The following TECRL variants were observed in gnomAD, a reference collection of about 807,000 sequenced individuals.
TECRL encodes the protein trans-2,3-enoyl-CoA reductase like.
TECRL carries 63 observed loss-of-function variants against 52.8 expected under a neutral mutation model. The observed-to-expected ratio is 1.19, with a 90% CI of 0.97 to 1.47. The LOEUF (loss-of-function observed/expected upper bound fraction) is 1.47, where lower values mean the gene tolerates loss of function less well. Ranked by LOEUF, TECRL falls within the 40% of genes most tolerant of loss-of-function variation. The pLI is 0.00. For synonymous variants in TECRL, 164 were observed against 141.9 expected (o/e 1.16, Z -1.10); for missense variants, 482 against 429.6 (o/e 1.12, Z -1.08).
chr4:64,320,370 C>A (rs992213982), intron 4 of TECRL, among the ~76,000 whole-genome samples: 3 of 151,784 alleles, frequency 2.0e-5, no homozygotes, highest in Non-Finnish European at 4.4e-5. Flanking sequence ...TGTGGTAAAA[C>A]ATTACTTTTG....
At chr4:64,286,533 G>GT (rs1723090840) in intron 9 of TECRL, among the ~76,000 whole-genome samples, 2 of 141,344 alleles carry the variant, frequency 1.4e-5, no homozygotes, top group Admixed American at 7.1e-5. Flanking sequence ...TTTTTAGAAC[G>GT]TAAAAAAAAA....
chr4:64,344,402 G>T (rs747148706), intron 2 of TECRL, among the ~76,000 whole-genome samples: 27 of 151,770 alleles, frequency 1.8e-4, no homozygotes, highest in Non-Finnish European at 4.0e-4. Flanking sequence ...GAAATTCCTG[G>T]TGCATTTTTG....
In TECRL at chr4:64,402,775, T is replaced by C. The variant is rs139123925; in HGVS notation, c.234+6343A>G. ...TGGGGTACATAAGAGATGTATAAAG[T>C]TGAAAAATGAAGGGTAAGTCTGTAA... On this transcript the variant is annotated intron_variant, in intron 1 of 11. Transcript: ENST00000381210. Among the ~76,000 whole-genome samples the C allele has an allele frequency of 7.0e-4, 107 of 152,124 alleles. No individual in the cohort carries two copies. In the East Asian group the frequency reaches 0.016, roughly 23 times the overall value.
At chr4:64,292,544 T>C (rs1402169819) in intron 8 of TECRL, among the ~76,000 whole-genome samples, 4 of 152,038 alleles carry the variant, frequency 2.6e-5, no homozygotes, top group African/African-American at 9.6e-5. Flanking sequence ...ATCATTTTCC[T>C]ACATTATTAT....
chr4:64,379,247 TAC>T (rs4034911), intron 1 of TECRL, among the ~76,000 whole-genome samples: 21,546 of 145,156 alleles, frequency 0.15, 1,585 homozygotes, highest in East Asian at 0.24. Context: ...CACACACACA[TAC>T]ACACACACAC....
chr4:64,373,606 T>C (rs1277516616), intron 2 of TECRL, among the ~76,000 whole-genome samples: 1 of 151,742 alleles, frequency 6.6e-6, no homozygotes, highest in African/African-American at 2.4e-5. Context: ...CTTTTACACA[T>C]AAACTCGACT....
chr4:64,309,986 C>T lies in TECRL; in HGVS notation c.552-55G>A, dbSNP rs1476785684. The T allele has an allele frequency of 2.6e-6, 3 of 1,144,482 alleles. No individual in the cohort carries two copies. In the East Asian group the frequency reaches 7.5e-5, roughly 29 times the overall value. The allele number at this position is 1,144,482 out of a possible 1,614,324, so 70.9% of individuals were successfully genotyped here. On this transcript the variant is annotated intron_variant, in intron 5 of 11. Transcript: ENST00000381210. ...AAATCCTTTTGAAGTTCTGGCTTGCCTCATGCATGATACATTTTAATTTTT... is the reference window on the plus strand; with the variant it reads ...AAATCCTTTTGAAGTTCTGGCTTGCTTCATGCATGATACATTTTAATTTTT...
intron 2 of TECRL, among the ~76,000 whole-genome samples, chr4:64,360,167 C>T (rs1304558011): frequency 1.3e-5 from 2 of 152,024 alleles, no homozygotes; most frequent in Admixed American, 6.6e-5. Flanking sequence ...ATGTAGATTC[C>T]TCCCAAAATA....
chr4:64,325,859 G>GA (rs1718227442), intron 3 of TECRL, among the ~76,000 whole-genome samples: 1 of 151,964 alleles, frequency 6.6e-6, no homozygotes, highest in Non-Finnish European at 1.5e-5. Context: ...ATGAGATTTT[G>GA]AAAAAATGAC....
intron 1 of TECRL, among the ~76,000 whole-genome samples, chr4:64,408,567 T>C (rs1290050468): frequency 7.2e-5 from 11 of 152,024 alleles, no homozygotes; most frequent in Non-Finnish European, 1.5e-4. Flanking sequence ...ACTTAAATAG[T>C]GTTTTTGAAG....
chr4:64,404,918 C>A (rs1260142342), intron 1 of TECRL, among the ~76,000 whole-genome samples: 1 of 152,048 alleles, frequency 6.6e-6, no homozygotes, highest in Admixed American at 6.6e-5. Context: ...TCACATGTTT[C>A]TTGAACCGGA....
chr4:64,334,970 C>T (rs1655435597), intron 2 of TECRL, among the ~76,000 whole-genome samples: 1 of 152,210 alleles, frequency 6.6e-6, no homozygotes. Context: ...ATCCGCTGTG[C>T]AAGTCTCCCA....
chr4:64,337,808 C>A (rs141858361), intron 2 of TECRL, among the ~76,000 whole-genome samples: 1 of 152,166 alleles, frequency 6.6e-6, no homozygotes, highest in South Asian at 2.1e-4. Flanking sequence ...GAAGAACATT[C>A]CATGCTCATG....
At chr4:64,401,641 G>A (rs1724367511) in intron 1 of TECRL, among the ~76,000 whole-genome samples, 2 of 152,248 alleles carry the variant, frequency 1.3e-5, no homozygotes, top group South Asian at 2.1e-4. Context: ...TTTAAGGTTA[G>A]CAAATACATT....
intron 8 of TECRL, among the ~76,000 whole-genome samples, chr4:64,299,490 T>C (rs1723880171): frequency 6.6e-6 from 1 of 151,138 alleles, no homozygotes; most frequent in Admixed American, 6.6e-5. Context: ...TTCCACACAA[T>C]TTTATCTACA....
At position 64,401,720 on chromosome 4, in the gene TECRL, C is replaced by T. The variant is rs58788458; in HGVS notation, c.234+7398G>A. ...CAGGCATAGCTCTCTCAAATGTGTA[C>T]GTCTCTCTTGACATAGTCACCACTT... On this transcript the variant is annotated intron_variant, in intron 1 of 11. Coordinates refer to ENST00000381210, the MANE Select transcript of TECRL (RefSeq NM_001010874.5). 9.2e-3 allele frequency among the ~76,000 whole-genome samples: 1,401 copies of T among 152,280 alleles called. 17 individuals are homozygous for T. The highest frequency in any genetic ancestry group is 0.033 in the African/African-American group (1,359 of 41,562).
chr4:64,284,970 T>C (rs111786461), intron 9 of TECRL, among the ~76,000 whole-genome samples: 1 of 152,036 alleles, frequency 6.6e-6, no homozygotes, highest in Non-Finnish European at 1.5e-5. Flanking sequence ...CAGTGATCTT[T>C]ACTAAAAGGA....
chr4:64,276,668 T>C (rs1452165284), downstream of TECRL: 1 of 161,720 alleles, frequency 6.2e-6, no homozygotes. Flanking sequence ...TGCAAAATAC[T>C]CCATAAGCTA....
intron 2 of TECRL, among the ~76,000 whole-genome samples, chr4:64,352,202 A>G (rs1305706318): frequency 3.3e-5 from 5 of 152,206 alleles, no homozygotes; most frequent in Non-Finnish European, 1.5e-5. Context: ...CCAATAACAG[A>G]CACACAAAAA....
Sources: allele counts gnomAD v4.1 joint callset (sites outside exome capture counted in the v4.1 genomes callset), GRCh38; gene constraint gnomAD v4.1.1; transcripts MANE v1.5; gene names NCBI Gene and HGNC (gene_info 2026-07-23, HGNC 2026-07-21).